Variants in WDFY4 observed in about 807,000 individuals in gnomAD.
WDFY4 encodes the protein WD repeat- and FYVE domain-containing protein 4.
Under a neutral mutation model 351.9 loss-of-function variants are expected in WDFY4, and 169 were observed. The observed-to-expected ratio is 0.48, with a 90% confidence interval of 0.42 to 0.55. The LOEUF is 0.55. Among genes scored for constraint, WDFY4 ranks in the 20% least tolerant of loss-of-function variants. WDFY4 has a pLI of 0.00. For synonymous variants in WDFY4, 1,622 were observed against 1,574.6 expected, an observed-to-expected ratio of 1.03 and a Z score of -0.71; for missense variants, 3,803 against 3,935.6, an observed-to-expected ratio of 0.97 and a Z score of 0.90.
At chr10:48,864,441 T>C (rs1201867549) in intron 39 of WDFY4, among the ~76,000 whole-genome samples, 1 of 152,210 alleles carries the variant, frequency 6.6e-6, no homozygotes, top group African/African-American at 2.4e-5. Context: ...TTGATGTATA[T>C]ATCTATTCTT....
At chr10:48,845,720 G>T (rs181727253) in intron 39 of WDFY4, among the ~76,000 whole-genome samples, 47 of 152,260 alleles carry the variant, frequency 3.1e-4, no homozygotes, top group Admixed American at 2.0e-3. Flanking sequence ...AGGCTTTATG[G>T]TACCTCTAGA....
chr10:48,753,551 G>T (rs982522189), intron 12 of WDFY4, among the ~76,000 whole-genome samples: 1 of 152,122 alleles, frequency 6.6e-6, no homozygotes, highest in Non-Finnish European at 1.5e-5. Flanking sequence ...TATGGCAAGG[G>T]GTCAGGGTTC....
intron 26 of WDFY4, 35 bp from the exon 27 acceptor site, chr10:48,805,969 C>A (rs936336205): frequency 3.2e-6 from 5 of 1,546,220 alleles, no homozygotes; most frequent in Non-Finnish European, 3.5e-6. Context: ...GTTGAGCCCG[C>A]CTGCGAGCCT....
intron 1 of WDFY4, among the ~76,000 whole-genome samples, chr10:48,687,706 C>T (rs568561612): frequency 3.3e-5 from 5 of 150,928 alleles, no homozygotes; most frequent in African/African-American, 1.2e-4. Context: ...CCTCCACCTC[C>T]CAGGTTCAAG....
chr10:48,946,946 A>C lies in WDFY4; in HGVS notation c.7954A>C (p.Thr2652Pro). 6.4e-7 allele frequency: 1 copy of C among 1,551,120 alleles called. No individual in the cohort carries two copies. The highest frequency in any genetic ancestry group is 8.7e-7 in the Non-Finnish European group (1 of 1,146,944). The change falls in exon 51 of 62, where the codon ACC (threonine) becomes CCC (proline). Residue 2652 changes from threonine (T) to proline (P), a missense_variant. Thr to Pro is a conservative substitution (Grantham distance 38). Coordinates refer to ENST00000325239, the MANE Select transcript of WDFY4 (RefSeq NM_001394531.1). ...ASYLVRMPPF[T>P]QAFCALQGGS... ...CTACCTGGTCCGGATGCCACCCTTC[A>C]CCCAGGCCTTCTGCGCTCTGCAGGT...
chr10:48,974,502 C>CAAAAAAAAAAAAAAAAAAAAAAAAAA (rs553826473), intron 57 of WDFY4, among the ~76,000 whole-genome samples: 6 of 10,392 alleles, frequency 5.8e-4, no homozygotes, highest in Non-Finnish European at 7.2e-4. Flanking sequence ...GACTCCGTCT[C>CAAAAAAAAAAAAAAAAAAAAAAAAAA]AAAAAAAAAA....
At chr10:48,881,682 CT>C (rs1283937173) in intron 43 of WDFY4, among the ~76,000 whole-genome samples, 1 of 152,196 alleles carries the variant, frequency 6.6e-6, no homozygotes, top group African/African-American at 2.4e-5. Flanking sequence ...GAGCACCCTT[CT>C]GCTCTAGACT....
At chr10:48,843,975 C>T (rs1216618975) in intron 39 of WDFY4, among the ~76,000 whole-genome samples, 1 of 152,180 alleles carries the variant, frequency 6.6e-6, no homozygotes, top group African/African-American at 2.4e-5. Flanking sequence ...CGGCAGATGG[C>T]CGTGGAGGGG....
At chr10:48,966,486 C>G in intron 54 of WDFY4, 40 bp from the exon 55 acceptor site, 1 of 1,531,100 alleles carries the variant, frequency 6.5e-7, no homozygotes, top group Non-Finnish European at 8.8e-7. Context: ...CTCCTCTGGG[C>G]ATCTCTCCCC....
At chr10:48,809,516 A>T (rs1052846885) in intron 28 of WDFY4, among the ~76,000 whole-genome samples, 1 of 151,678 alleles carries the variant, frequency 6.6e-6, no homozygotes, top group Non-Finnish European at 1.5e-5. Context: ...CAACATCATC[A>T]CCATCACCAC....
Position 48,830,740 on chromosome 10 carries a change from G to A in WDFY4, c.6381G>A (p.Gln2127=), listed in dbSNP as rs1159087700. ...NIQKTVQTLW[Q]QLVAQRQQTL... ...AGAAGACAGTGCAGACTCTCTGGCA[G>A]CAGCTGGTGGCACAAAGGCAGCAGA... is the stretch of plus-strand genomic sequence containing the variant. The change falls in exon 38 of 62, where the codon CAG becomes CAA. Residue 2127 remains glutamine (Q), a synonymous_variant. Transcript: ENST00000325239. The A allele has an allele frequency of 5.2e-6, 8 of 1,551,562 alleles. No individual in the cohort carries two copies. The East Asian group carries it at 1.5e-4, about 28-fold the overall frequency.
At chr10:48,880,477 C>T (rs1026953391) in intron 43 of WDFY4, among the ~76,000 whole-genome samples, 3 of 152,234 alleles carry the variant, frequency 2.0e-5, no homozygotes, top group East Asian at 1.9e-4. Context: ...TTGGCCTTCC[C>T]GTGGCTCAGC....
chr10:48,850,544 C>T (rs763619660), intron 39 of WDFY4, among the ~76,000 whole-genome samples: 1 of 152,116 alleles, frequency 6.6e-6, no homozygotes. Flanking sequence ...AATACAATTC[C>T]ACTATAACCC....
intron 47 of WDFY4, among the ~76,000 whole-genome samples, chr10:48,905,856 T>A (rs1397345308): frequency 1.3e-5 from 2 of 152,254 alleles, no homozygotes; most frequent in Non-Finnish European, 2.9e-5. Flanking sequence ...AATTTTAGAA[T>A]CACCTGATGT....
chr10:48,798,595 C>A (rs1227090060), intron 24 of WDFY4, among the ~76,000 whole-genome samples: 1 of 152,106 alleles, frequency 6.6e-6, no homozygotes, highest in Admixed American at 6.5e-5. Flanking sequence ...GAATAAAAAA[C>A]CCCAATGATC....
At position 48,811,540 on chromosome 10, in the gene WDFY4, C is replaced by T; in HGVS notation, c.5046C>T (p.Asp1682=). 1 of 1,552,126 alleles carries T rather than the reference C, an allele frequency of 6.4e-7. No homozygotes were observed. Among genetic ancestry groups the T allele is most frequent in the Non-Finnish European group, 8.7e-7 (1 of 1,147,024 alleles). ...GTGCCCCCTTTGCCTGATCAATAGA[C>T]AACCTGAAGAGCCAGTCACCACTGC... ...RSTEGVDIVM[D]NLKSQSPLPE... Residue 1682 remains aspartate, a splice_region_variant and synonymous_variant, in exon 30 of 62, where the codon GAC becomes GAT. Coordinates refer to ENST00000325239, the MANE Select transcript of WDFY4 (RefSeq NM_001394531.1).
intron 40 of WDFY4, among the ~76,000 whole-genome samples, chr10:48,873,017 T>C (rs996317810): frequency 6.6e-6 from 1 of 152,170 alleles, no homozygotes. Context: ...GGCTTCTAAT[T>C]CCCACTCCAC....
At position 48,810,560 on chromosome 10, in the gene WDFY4, G is replaced by T. The variant is rs1310581344; in HGVS notation, c.4869G>T (p.Gly1623=). Residue 1623 remains glycine, a synonymous_variant, in exon 29 of 62, where the codon GGG becomes GGT. Transcript: ENST00000325239. ...ESKEEMFLKL[G]PDWFLLLLQG... Reference sequence around the variant, plus strand: ...AGGAAGAGATGTTTCTGAAACTGGGGCCTGACTGGTTCCTGCTGCTCCTGC... The same window carrying T: ...AGGAAGAGATGTTTCTGAAACTGGGTCCTGACTGGTTCCTGCTGCTCCTGC... The T allele has an allele frequency of 6.4e-7, 1 of 1,551,554 alleles. No homozygotes were observed. Among genetic ancestry groups the T allele is most frequent in the African/African-American group, 1.4e-5 (1 of 73,048 alleles).
chr10:48,715,001 G>C (rs189801109), intron 2 of WDFY4, among the ~76,000 whole-genome samples: 1 of 152,360 alleles, frequency 6.6e-6, no homozygotes, highest in East Asian at 1.9e-4. Flanking sequence ...GAGGCTCACA[G>C]CTTCTTCTGC....
Sources: gnomAD v4.1 joint callset for allele counts (sites outside exome capture counted in the v4.1 genomes callset) on GRCh38, gnomAD v4.1.1 for gene constraint, MANE v1.5 for transcripts, NCBI Gene and HGNC (gene_info 2026-07-23, HGNC 2026-07-21) for gene names.